Variants in ATP10B observed in about 807,000 individuals in gnomAD.
ATP10B encodes the protein ATPase phospholipid transporting 10B (putative).
In ATP10B, 122 loss-of-function variants were observed where a neutral mutation model predicts 141.2. The observed-to-expected ratio is 0.86, with a 90% CI of 0.75 to 1.00. The LOEUF (loss-of-function observed/expected upper bound fraction) is 1.00, where lower values mean the gene tolerates loss of function less well. ATP10B is among the 50% of genes least tolerant of loss of function. ATP10B has a pLI of 0.00. For synonymous variants in ATP10B, 685 were observed against 692.0 expected (o/e 0.99, Z 0.16); for missense variants, 1,876 against 1,825.3 (o/e 1.03, Z -0.51).
At chr5:160,641,316 T>C (rs2127675547) in intron 9 of ATP10B, among the ~76,000 whole-genome samples, 1 of 152,334 alleles carries the variant, frequency 6.6e-6, no homozygotes, top group South Asian at 2.1e-4. Flanking sequence ...TTTGTTTCTT[T>C]GGTCATGCCT....
chr5:160,747,107 G>A (rs1270638159), intron 2 of ATP10B, among the ~76,000 whole-genome samples: 2 of 152,174 alleles, frequency 1.3e-5, no homozygotes, highest in African/African-American at 4.8e-5. Context: ...AGTCCTACAA[G>A]GTGACAACAG....
chr5:160,599,525 G>A (rs1419445825), intron 21 of ATP10B, among the ~76,000 whole-genome samples: 3 of 152,252 alleles, frequency 2.0e-5, no homozygotes. Context: ...TTAGACCAAT[G>A]GCATGCGAAA....
chr5:160,870,171 G>A, the ATP10B span, among the ~76,000 whole-genome samples: 26 of 152,164 alleles, frequency 1.7e-4, no homozygotes, highest in Admixed American at 3.3e-4. Context: ...CCCATGCAAG[G>A]GGAAAGAAAG....
chr5:160,868,193 G>A, the ATP10B span, among the ~76,000 whole-genome samples: 23 of 152,214 alleles, frequency 1.5e-4, no homozygotes, highest in East Asian at 3.1e-3. Context: ...ATGATGTGGC[G>A]TAGCAGCTAA....
intron 2 of ATP10B, among the ~76,000 whole-genome samples, chr5:160,783,415 TGGATATATCC>T (rs1306295208): frequency 7.5e-6 from 1 of 132,742 alleles, no homozygotes; most frequent in Non-Finnish European, 1.6e-5. Flanking sequence ...TATCTATCCA[TGGATATATCC>T]ATGGATAGAT....
chr5:160,821,507 A>C (rs1272580513), intron 1 of ATP10B, among the ~76,000 whole-genome samples: 2 of 152,124 alleles, frequency 1.3e-5, no homozygotes, highest in Non-Finnish European at 2.9e-5. Context: ...AGAAATATAA[A>C]AAAATCTTAA....
intron 7 of ATP10B, among the ~76,000 whole-genome samples, chr5:160,669,247 T>C (rs1762509433): frequency 6.6e-6 from 1 of 152,258 alleles, no homozygotes; most frequent in Non-Finnish European, 1.5e-5. Flanking sequence ...TTGATATTAA[T>C]ACCAACTGTT....
chr5:160,620,829 G>T lies in ATP10B; in HGVS notation c.1934C>A (p.Thr645Lys), dbSNP rs1321913928. 3.7e-6 allele frequency: 6 copies of T among 1,614,210 alleles called. No homozygotes were observed. In the Admixed American group the frequency reaches 5.0e-5, roughly 13 times the overall value. Residue 645 changes from threonine to lysine, a missense_variant, in exon 15 of 26, where the codon ACA becomes AAA. Physicochemically the swap from Thr to Lys is moderately conservative, Grantham distance 78. Transcript: ENST00000327245. ...QSFSSTAPSDTDLGESLGANV... is the reference protein window; with the variant it reads ...QSFSSTAPSDKDLGESLGANV... Reference sequence around the variant, plus strand: ...GGCCCCTAAGCTCTCCCCGAGGTCTGTGTCAGAGGGTGCAGTGGATGAGAA... The same window carrying T: ...GGCCCCTAAGCTCTCCCCGAGGTCTTTGTCAGAGGGTGCAGTGGATGAGAA...
chr5:160,835,195 CA>C (rs1016564229), intron 1 of ATP10B, among the ~76,000 whole-genome samples: 1 of 151,798 alleles, frequency 6.6e-6, no homozygotes, highest in East Asian at 1.9e-4. Flanking sequence ...TAAGATGTGA[CA>C]AAAAAATAAC....
intron 7 of ATP10B, among the ~76,000 whole-genome samples, chr5:160,654,905 C>T (rs1761376653): frequency 6.6e-6 from 1 of 152,134 alleles, no homozygotes; most frequent in Non-Finnish European, 1.5e-5. Context: ...TAGGGAAAAT[C>T]TGTGATTTTC....
chr5:160,824,835 G>A (rs1774454542), intron 1 of ATP10B, among the ~76,000 whole-genome samples: 1 of 152,128 alleles, frequency 6.6e-6, no homozygotes, highest in Non-Finnish European at 1.5e-5. Flanking sequence ...TTGCATGTGA[G>A]AAGGCACTAG....
intron 7 of ATP10B, among the ~76,000 whole-genome samples, chr5:160,666,383 TGCA>T (rs1293058827): frequency 6.6e-6 from 1 of 152,196 alleles, no homozygotes; most frequent in African/African-American, 2.4e-5. Context: ...GTAATATACT[TGCA>T]GCAAATCCCT....
intron 3 of ATP10B, among the ~76,000 whole-genome samples, chr5:160,698,869 A>G (rs1280524367): frequency 6.6e-6 from 1 of 152,214 alleles, no homozygotes; most frequent in South Asian, 2.1e-4. Flanking sequence ...TTGAGTAGCC[A>G]GAGGCAGGCG....
chr5:160,658,805 T>C (rs1167108172), intron 7 of ATP10B, among the ~76,000 whole-genome samples: 1 of 152,174 alleles, frequency 6.6e-6, no homozygotes, highest in Non-Finnish European at 1.5e-5. Flanking sequence ...AGACAAGAGA[T>C]GGACATCATA....
At chr5:160,738,200 A>T (rs1479968640) in intron 2 of ATP10B, among the ~76,000 whole-genome samples, 4 of 152,144 alleles carry the variant, frequency 2.6e-5, no homozygotes, top group African/African-American at 9.6e-5. Context: ...TGGATGAAAG[A>T]AGAAATAGGA....
intron 7 of ATP10B, among the ~76,000 whole-genome samples, chr5:160,653,096 A>C (rs1376373302): frequency 1.6e-5 from 2 of 125,804 alleles, no homozygotes; most frequent in Non-Finnish European, 3.2e-5. Context: ...TTATATATAC[A>C]CGTGTATATA....
intron 2 of ATP10B, among the ~76,000 whole-genome samples, chr5:160,719,191 G>A (rs928245341): frequency 1.4e-4 from 21 of 152,164 alleles, no homozygotes; most frequent in African/African-American, 4.1e-4. Flanking sequence ...ACGAGGTCAG[G>A]AGATCGAGAC....
At position 160,658,483 on chromosome 5, in the gene ATP10B, A is replaced by AT. The variant is rs1761660899; in HGVS notation, c.676-9228dup. Among the ~76,000 whole-genome samples, 5 of 152,338 alleles carry AT rather than the reference A, an allele frequency of 3.3e-5. No individual in the cohort carries two copies. In the South Asian group the frequency reaches 1.0e-3, roughly 32 times the overall value. On this transcript the variant is annotated intron_variant, in intron 7 of 25. Coordinates refer to ENST00000327245, the MANE Select transcript of ATP10B (RefSeq NM_025153.3). ...CTGATGAGTCATAGATATAATGGAT[A>AT]TTTATTGCTGTGCTGTTCAGAACTC...
intron 24 of ATP10B, among the ~76,000 whole-genome samples, chr5:160,575,922 T>TCA (rs149273286): frequency 6.6e-6 from 1 of 152,332 alleles, no homozygotes; most frequent in East Asian, 1.9e-4. Flanking sequence ...CTCCCTTTCT[T>TCA]CATCCTGCTT....
Sources: allele counts gnomAD v4.1 joint callset (sites outside exome capture counted in the v4.1 genomes callset), GRCh38; gene constraint gnomAD v4.1.1; transcripts MANE v1.5; gene names NCBI Gene and HGNC (gene_info 2026-07-23, HGNC 2026-07-21).